IGSF3: variants seen among roughly 807,000 people sequenced by gnomAD.
IGSF3 encodes the protein glu-Trp-Ile EWI motif-containing protein 3.
IGSF3 carries 23 observed loss-of-function variants against 114.4 expected under a neutral mutation model. That is an observed-to-expected ratio of 0.20 (90% CI 0.14 to 0.28). The LOEUF (loss-of-function observed/expected upper bound fraction) is 0.28. IGSF3 is among the 10% of genes least tolerant of loss of function. IGSF3 has a pLI of 1.00. For missense variants in IGSF3, 1,172 were observed against 1,591.5 expected (o/e 0.74, Z 4.48); for synonymous variants, 571 against 645.2 (o/e 0.88, Z 1.74).
intron 2 of IGSF3, among the ~76,000 whole-genome samples, 192 bp downstream of exon 2, chr1:116,666,092 A>T (rs1244907242): frequency 6.6e-6 from 1 of 152,108 alleles, no homozygotes; most frequent in Non-Finnish European, 1.5e-5. Flanking sequence ...ATAGATAACA[A>T]ATGATATTCC....
At chr1:116,640,320 T>C (rs1268854632) in intron 2 of IGSF3, among the ~76,000 whole-genome samples, 1 of 152,234 alleles carries the variant, frequency 6.6e-6, no homozygotes, top group Non-Finnish European at 1.5e-5. Context: ...GTTTAGTTTT[T>C]TTATTTTCCT....
At position 116,588,764 on chromosome 1, in the gene IGSF3, G is replaced by A. The variant is rs1193539504; in HGVS notation, c.2370C>T (p.Ser790=). The change falls in exon 8 of 11, where the codon AGC becomes AGT. Residue 790 remains serine (S), a synonymous_variant. Transcript: ENST00000369486. This position sits in a 1 kb window ranked among gnomAD's most constrained non-coding sequence, Gnocchi z 4.9. ...CCAGCTTGTACCAGGCGTAGTTGGG[G>A]CTCAGCAGCCACTCCTCCACGTGGC... The part of the protein sequence containing the change: ...YYCHVEEWLL[S]PNYAWYKLAE... 6.2e-7 allele frequency: 1 copy of A among 1,614,030 alleles called. No homozygotes were observed. Among genetic ancestry groups the A allele is most frequent in the African/African-American group, 1.3e-5 (1 of 75,034 alleles).
In IGSF3 at chr1:116,614,792, A is replaced by G. The variant is rs1342828853; in HGVS notation, c.422-617T>C. On this transcript the variant is annotated intron_variant, in intron 3 of 10. Coordinates refer to ENST00000369486, the MANE Select transcript of IGSF3 (RefSeq NM_001007237.3). This position sits in a 1 kb window ranked among gnomAD's most constrained non-coding sequence, Gnocchi z 4.5. ...GGGGTCCTCACTGGAAGGAAGCCAC[A>G]GTCTGGAGAGATTCAGGCAAGAGAA... is the stretch of plus-strand genomic sequence containing the variant. Among the ~76,000 whole-genome samples, 1 of 152,200 alleles carries G rather than the reference A, an allele frequency of 6.6e-6. No homozygotes were observed. The highest frequency in any genetic ancestry group is 1.5e-5 in the Non-Finnish European group (1 of 68,036).
At chr1:116,621,415 G>C (rs1172914772) in intron 2 of IGSF3, among the ~76,000 whole-genome samples, 1 of 152,146 alleles carries the variant, frequency 6.6e-6, no homozygotes, top group Non-Finnish European at 1.5e-5. Flanking sequence ...TCCTGGCTTT[G>C]CTTCCCAGAG....
chr1:116,601,354 G>T (rs1660580660), intron 6 of IGSF3, among the ~76,000 whole-genome samples: 1 of 152,164 alleles, frequency 6.6e-6, no homozygotes. Flanking sequence ...ATAACACAGT[G>T]GTTAAAGGTC....
chr1:116,585,503 A>G lies in IGSF3; in HGVS notation c.2441-451T>C, dbSNP rs1659801662. Among the ~76,000 whole-genome samples, 1 of 152,224 alleles carries G rather than the reference A, an allele frequency of 6.6e-6. No homozygotes were observed. Among genetic ancestry groups the G allele is most frequent in the Non-Finnish European group, 1.5e-5 (1 of 68,040 alleles). On this transcript the variant is annotated intron_variant, in intron 8 of 10. Transcript: ENST00000369486. The surrounding 1 kb of genome is among the most constrained non-coding windows in gnomAD (Gnocchi z 4.9). ...AAAATGCTGGGCCACCAACTACAAA[A>G]GAACTGCAGGGGAAAGCCAGTTTAA... is the stretch of plus-strand genomic sequence containing the variant.
In IGSF3 at chr1:116,596,353, A is replaced by G. The variant is rs1660342066; in HGVS notation, c.2029+3588T>C. Among the ~76,000 whole-genome samples, 1 of 152,206 alleles carries G rather than the reference A, an allele frequency of 6.6e-6. No individual in the cohort carries two copies. The highest frequency in any genetic ancestry group is 2.1e-4 in the South Asian group (1 of 4,826). Reference sequence around the variant, plus strand: ...CTATGGAAGACACCAGAGCAGGGCTAAGAATCTATGTTTTGAGGGGCAAGG... The same window carrying G: ...CTATGGAAGACACCAGAGCAGGGCTGAGAATCTATGTTTTGAGGGGCAAGG... On this transcript the variant is annotated intron_variant, in intron 7 of 10. Transcript: ENST00000369486. This position sits in a 1 kb window ranked among gnomAD's most constrained non-coding sequence, Gnocchi z 4.1.
At position 116,638,765 on chromosome 1, in the gene IGSF3, G is replaced by A. The variant is rs189516936; in HGVS notation, c.44-22308C>T. Among the ~76,000 whole-genome samples, 8 of 152,324 alleles carry A rather than the reference G, an allele frequency of 5.3e-5. No individual in the cohort carries two copies. The East Asian group carries it at 1.3e-3, about 26-fold the overall frequency. ...AGGACCAGCTAACTCCTACAGCAGA[G>A]TCTTGCCAGGCCCTCCCCTAATTGC... On this transcript the variant is annotated intron_variant, in intron 2 of 10. Transcript: ENST00000369486. This position sits in a 1 kb window ranked among gnomAD's most constrained non-coding sequence, Gnocchi z 4.1.
rs367726936 is a variant in IGSF3 at position 116,603,881 on chromosome 1, C to T, written c.1367G>A (p.Arg456His). ...GTCTAGCCACATGATATTGCTGCGG[C>T]GGTTCTGCCTGTCCACAAGCTGCCA... Reference protein sequence around the residue: ...VIWQLVDRQNRRSNIMWLDRD... With the variant: ...VIWQLVDRQNHRSNIMWLDRD... Residue 456 changes from arginine (R) to histidine (H), a missense_variant, in exon 6 of 11, where the codon CGC (arginine) becomes CAC (histidine). Around this residue, in one of 3 missense-constraint regions of IGSF3, gnomAD observed 736 missense variants for 1,042.0 expected, o/e 0.71. Coordinates refer to ENST00000369486, the MANE Select transcript of IGSF3 (RefSeq NM_001007237.3). The surrounding 1 kb of genome is among the most constrained non-coding windows in gnomAD (Gnocchi z 7.1). 478 of 1,612,412 alleles carry T rather than the reference C, an allele frequency of 3.0e-4. 7 individuals are homozygous for T. In the East Asian group the frequency reaches 9.7e-3, roughly 33 times the overall value.
chr1:116,619,140 C>CT (rs1192937158), intron 2 of IGSF3, among the ~76,000 whole-genome samples: 7 of 152,186 alleles, frequency 4.6e-5, no homozygotes, highest in African/African-American at 1.7e-4. Context: ...CTCTCACTAG[C>CT]TTTAAGTTTC....
At chr1:116,622,848 T>C (rs904351414) in intron 2 of IGSF3, among the ~76,000 whole-genome samples, 2 of 152,248 alleles carry the variant, frequency 1.3e-5, no homozygotes, top group Non-Finnish European at 2.9e-5. Flanking sequence ...TCACACTAAA[T>C]GTGCTCTGTG....
At position 116,657,483 on chromosome 1, in the gene IGSF3, G is replaced by A. The variant is rs200532476; in HGVS notation, c.43+8801C>T. ...TCAAACATGTGTGCTTTGGTCATCC[G>A]CAACCCAGACCACTAGACTAATTTT... On this transcript the variant is annotated intron_variant, in intron 2 of 10. Coordinates refer to ENST00000369486, the MANE Select transcript of IGSF3 (RefSeq NM_001007237.3). This position sits in a 1 kb window ranked among gnomAD's most constrained non-coding sequence, Gnocchi z 4.2. 1.3e-5 allele frequency among the ~76,000 whole-genome samples: 2 copies of A among 152,154 alleles called. No homozygotes were observed. Among genetic ancestry groups the A allele is most frequent in the Non-Finnish European group, 2.9e-5 (2 of 68,044 alleles).
rs1219157619 is a variant in IGSF3 at position 116,584,667 on chromosome 1, T to C, written c.2826A>G (p.Thr942=). Residue 942 remains threonine, a synonymous_variant, in exon 9 of 11, where the codon ACA becomes ACG. Coordinates refer to ENST00000369486, the MANE Select transcript of IGSF3 (RefSeq NM_001007237.3). This position sits in a 1 kb window ranked among gnomAD's most constrained non-coding sequence, Gnocchi z 5.8. ...CACCTGGTCGCATGACTGTCAGAGC[T>C]GTCTGCCCAGCGGTGTCCTCTGCCC... ...YKRAEDTAGQ[T]ALTVMRPDAS... The C allele has an allele frequency of 3.7e-6, 6 of 1,614,198 alleles. No homozygotes were observed. The highest frequency in any genetic ancestry group is 5.1e-6 in the Non-Finnish European group (6 of 1,180,004).
At chr1:116,641,642 A>G (rs1283362302) in intron 2 of IGSF3, among the ~76,000 whole-genome samples, 1 of 152,114 alleles carries the variant, frequency 6.6e-6, no homozygotes, top group Non-Finnish European at 1.5e-5. Context: ...TGATCACTGC[A>G]GCAGACAGCC....
chr1:116,665,324 C>T lies in IGSF3; in HGVS notation c.43+960G>A, dbSNP rs1299722151. ...TTGGAGACGTGAACCCTGTAGGCAA[C>T]AATCATAATCCCTTCTGAATGCAGA... On this transcript the variant is annotated intron_variant, in intron 2 of 10. Transcript: ENST00000369486. The surrounding 1 kb of genome is among the most constrained non-coding windows in gnomAD (Gnocchi z 4.0). Among the ~76,000 whole-genome samples, 2 of 152,172 alleles carry T rather than the reference C, an allele frequency of 1.3e-5. No individual in the cohort carries two copies. Among genetic ancestry groups the T allele is most frequent in the Admixed American group, 6.5e-5 (1 of 15,286 alleles).
At chr1:116,601,337 G>A (rs1477131977) in intron 6 of IGSF3, among the ~76,000 whole-genome samples, 1 of 152,172 alleles carries the variant, frequency 6.6e-6, no homozygotes, top group African/African-American at 2.4e-5. Context: ...CTTTACCCAT[G>A]GAAAGCATAA....
intron 2 of IGSF3, among the ~76,000 whole-genome samples, chr1:116,630,992 C>T (rs1647547059): frequency 6.6e-6 from 1 of 152,100 alleles, no homozygotes; most frequent in Non-Finnish European, 1.5e-5. Context: ...AGACAGGGGC[C>T]AGGCCAGGGC....
At chr1:116,606,602 G>C in intron 5 of IGSF3, 1 of 752,650 alleles carries the variant, frequency 1.3e-6, no homozygotes. Context: ...TTCTCAGAAG[G>C]GGTTGGGGGA....
At position 116,607,389 on chromosome 1, in the gene IGSF3, G is replaced by A. The variant is rs188435336; in HGVS notation, c.1222+553C>T. Among the ~76,000 whole-genome samples the A allele has an allele frequency of 1.3e-5, 2 of 152,352 alleles. No homozygotes were observed. The highest frequency in any genetic ancestry group is 4.8e-5 in the African/African-American group (2 of 41,582). ...AAGGCTATGCTCCAGGAAGATGTGAGAGGTCCCATCCACCGACTTTTAGAA... is the reference window on the plus strand; with the variant it reads ...AAGGCTATGCTCCAGGAAGATGTGAAAGGTCCCATCCACCGACTTTTAGAA... On this transcript the variant is annotated intron_variant, in intron 5 of 10. Coordinates refer to ENST00000369486, the MANE Select transcript of IGSF3 (RefSeq NM_001007237.3). This position sits in a 1 kb window ranked among gnomAD's most constrained non-coding sequence, Gnocchi z 6.1.
Sources: gnomAD v4.1 joint callset for allele counts (sites outside exome capture counted in the v4.1 genomes callset) on GRCh38, gnomAD v4.1.1 for gene constraint, gnomAD v4.1.1 regional missense constraint, Gnocchi (gnomAD v3.1) non-coding constraint, MANE v1.5 for transcripts, NCBI Gene and HGNC (gene_info 2026-07-23, HGNC 2026-07-21) for gene names.